GDAP1: variants seen among roughly 807,000 people sequenced by gnomAD.
The protein encoded by GDAP1 is ganglioside induced differentiation associated protein 1.
GDAP1 carries 34 observed loss-of-function variants against 40.1 expected under a neutral mutation model. That is an observed-to-expected ratio of 0.85 (90% CI 0.64 to 1.13). The LOEUF (loss-of-function observed/expected upper bound fraction) is 1.13, where lower values mean the gene tolerates loss of function less well. Among genes scored for constraint, GDAP1 ranks in the 50% most tolerant of loss-of-function variants. GDAP1 has a pLI of 0.00. For synonymous variants in GDAP1, 170 were observed against 157.4 expected (o/e 1.08, Z -0.60); for missense variants, 374 against 433.7 (o/e 0.86, Z 1.22).
chr8:74,480,902 T>C (rs553606437), intron 2 of GDAP1, among the ~76,000 whole-genome samples: 1 of 152,352 alleles, frequency 6.6e-6, no homozygotes, highest in East Asian at 1.9e-4. Context: ...TCATCTTGGA[T>C]CCAGTAGAAC....
rs546601219 is a variant in GDAP1 at position 74,484,084 on chromosome 8, G to A, written c.166-4594G>A. Among the ~76,000 whole-genome samples, 491 of 152,190 alleles carry A rather than the reference G, an allele frequency of 3.2e-3. 5 individuals are homozygous for A. The highest frequency in any genetic ancestry group is 0.011 in the African/African-American group (468 of 41,516). On this transcript the variant is annotated intron_variant, in intron 2 of 2. Transcript: ENST00000523640. Reference sequence around the variant, plus strand: ...TTGTACACAATAATATTGGTTTAATGAATAAATGTTCATTTAAAATACTAA... The same window carrying A: ...TTGTACACAATAATATTGGTTTAATAAATAAATGTTCATTTAAAATACTAA...
intron 2 of GDAP1, among the ~76,000 whole-genome samples, chr8:74,448,430 A>G (rs185196621): frequency 1.3e-4 from 20 of 152,232 alleles, no homozygotes; most frequent in Non-Finnish European, 2.4e-4. Context: ...GGTAGTTTTG[A>G]AAGAAAGCTG....
chr8:74,479,147 C>T (rs1358361215), intron 2 of GDAP1, among the ~76,000 whole-genome samples: 1 of 152,174 alleles, frequency 6.6e-6, no homozygotes, highest in Non-Finnish European at 1.5e-5. Context: ...TTTAGCTGCA[C>T]TTTACAGACC....
rs59331820 is a variant in GDAP1 at position 74,453,940 on chromosome 8, AACACACAC to A, written c.166-34709_166-34702del. Among the ~76,000 whole-genome samples the A allele has an allele frequency of 3.6e-4, 21 of 59,078 alleles. 8 individuals carry two copies. Among genetic ancestry groups the A allele is most frequent in the African/African-American group, 5.6e-4 (7 of 12,612 alleles). 38.8% of individuals were successfully genotyped at this position (59,078 alleles called of 152,430 possible). On this transcript the variant is annotated intron_variant, in intron 2 of 2. Transcript: ENST00000523640. ...CTTTATTATCTACTATTCTGAAGAA[AACACACAC>A]ACACACACACACACACACACACACA...
chr8:74,408,636 A>G (rs1805670694), intron 2 of GDAP1, among the ~76,000 whole-genome samples: 1 of 149,920 alleles, frequency 6.7e-6, no homozygotes, highest in Non-Finnish European at 1.5e-5. Flanking sequence ...ATGAGAAATA[A>G]ATTTCTGTTG....
chr8:74,381,660 G>A (rs1206747958), intron 2 of GDAP1, among the ~76,000 whole-genome samples: 1 of 151,884 alleles, frequency 6.6e-6, no homozygotes, highest in Non-Finnish European at 1.5e-5. Context: ...GGAGGCTGAG[G>A]CAGGAGAATC....
In GDAP1 at chr8:74,432,096, G is replaced by A. The variant is rs545145322; in HGVS notation, c.166-56582G>A. 6.6e-5 allele frequency among the ~76,000 whole-genome samples: 10 copies of A among 152,200 alleles called. No homozygotes were observed. In the South Asian group the frequency reaches 2.1e-3, roughly 32 times the overall value. On this transcript the variant is annotated intron_variant, in intron 2 of 2. Transcript: ENST00000523640. ...TAATATATGAATACTGGAAGATAGA[G>A]GGTCTCTCTCTCCCTCTGAGATCAT... is the stretch of plus-strand genomic sequence containing the variant.
chr8:74,432,429 A>G (rs1053667683), intron 2 of GDAP1, among the ~76,000 whole-genome samples: 1 of 152,084 alleles, frequency 6.6e-6, no homozygotes, highest in South Asian at 2.1e-4. Context: ...AATATTTGTC[A>G]CTTAAACTCT....
At position 74,350,437 on chromosome 8, in the gene GDAP1, C is replaced by A; in HGVS notation, c.-25C>A. ...AGAAGTCCAGGGCGGACAGGCTGGGCGCACCCGTGCTCGCGCACCCCAAGA... is the reference window on the plus strand; with the variant it reads ...AGAAGTCCAGGGCGGACAGGCTGGGAGCACCCGTGCTCGCGCACCCCAAGA... On this transcript the variant is annotated 5_prime_UTR_variant, in exon 1 of 6. Transcript: ENST00000220822. The A allele has an allele frequency of 1.4e-6, 2 of 1,410,928 alleles. No individual in the cohort carries two copies. The highest frequency in any genetic ancestry group is 2.0e-6 in the Non-Finnish European group (2 of 997,922). 87.4% of individuals were successfully genotyped at this position (1,410,928 alleles called of 1,614,324 possible). A position where few individuals can be genotyped will look rare whatever the true frequency, so the allele number is the denominator to read the frequency against.
intron 2 of GDAP1, among the ~76,000 whole-genome samples, chr8:74,431,700 C>G (rs1252444193): frequency 6.6e-6 from 1 of 152,060 alleles, no homozygotes; most frequent in Non-Finnish European, 1.5e-5. Context: ...CCAGGATGGT[C>G]TCGATCTCCT....
At position 74,365,605 on chromosome 8, in the gene GDAP1, G is replaced by A. The variant is rs73347207; in HGVS notation, c.*1238G>A. ...GTAGCAGGCATAGAGATGATGTGCC[G>A]AGGTCCCAGTGAACAACAGTAGCCA... On this transcript the variant is annotated 3_prime_UTR_variant, in exon 6 of 6. Coordinates refer to ENST00000220822, the MANE Select transcript of GDAP1 (RefSeq NM_018972.4). 2.6e-4 allele frequency: 116 copies of A among 454,420 alleles called. No homozygotes were observed. The highest frequency in any genetic ancestry group is 1.9e-3 in the African/African-American group (97 of 50,070). The allele number at this position is 454,420 out of a possible 1,614,324, so 28.1% of individuals were successfully genotyped here.
chr8:74,406,550 A>G (rs373275021), intron 2 of GDAP1, among the ~76,000 whole-genome samples: 1 of 150,284 alleles, frequency 6.7e-6, no homozygotes, highest in East Asian at 1.9e-4. Flanking sequence ...CATTTACAGC[A>G]GCAGTCTTAT....
chr8:74,382,412 A>G (rs1809968930), intron 2 of GDAP1, among the ~76,000 whole-genome samples: 1 of 144,302 alleles, frequency 6.9e-6, no homozygotes, highest in Non-Finnish European at 1.5e-5. Context: ...AGTGGCTAGA[A>G]CTTGGTATGT....
rs191475072 is a variant in GDAP1 at position 74,468,285 on chromosome 8, A to C, written c.166-20393A>C. 1.9e-3 allele frequency among the ~76,000 whole-genome samples: 290 copies of C among 152,144 alleles called. 1 individual carries two copies. The highest frequency in any genetic ancestry group is 6.5e-3 in the African/African-American group (268 of 41,492). On this transcript the variant is annotated intron_variant, in intron 2 of 2. Transcript: ENST00000523640. ...CATATACTTTGGAATCTGCTTATCT[A>C]TAAAAAACTATTAGTATTTTTAATT...
At chr8:74,426,086 A>C (rs1194335739) in intron 2 of GDAP1, among the ~76,000 whole-genome samples, 1 of 152,224 alleles carries the variant, frequency 6.6e-6, no homozygotes, top group Non-Finnish European at 1.5e-5. Flanking sequence ...GCATATAGGC[A>C]TGCATGCATG....
intron 2 of GDAP1, among the ~76,000 whole-genome samples, chr8:74,488,179 T>C (rs1015404759): frequency 1.3e-5 from 2 of 152,214 alleles, no homozygotes; most frequent in African/African-American, 2.4e-5. Flanking sequence ...ATTATTAAAC[T>C]AGCACATTCA....
chr8:74,380,183 AAAG>A (rs5892454), intron 2 of GDAP1, among the ~76,000 whole-genome samples: 28,431 of 152,024 alleles, frequency 0.19, 2,902 homozygotes, highest in Admixed American at 0.31. Flanking sequence ...CTTCTTTTAC[AAAG>A]AAGTTTTAGT....
At chr8:74,359,414 G>T (rs1397662602) in intron 2 of GDAP1, among the ~76,000 whole-genome samples, 2 of 152,204 alleles carry the variant, frequency 1.3e-5, no homozygotes, top group African/African-American at 2.4e-5. Flanking sequence ...CTACAGTTTG[G>T]ATTTTAACTA....
intron 2 of GDAP1, among the ~76,000 whole-genome samples, chr8:74,437,305 G>A (rs746454630): frequency 2.6e-5 from 4 of 152,150 alleles, no homozygotes; most frequent in Non-Finnish European, 5.9e-5. Context: ...AAATTTAAGT[G>A]ACTTGCTTGT....
Sources: gnomAD v4.1 joint callset for allele counts (sites outside exome capture counted in the v4.1 genomes callset) on GRCh38, gnomAD v4.1.1 for gene constraint, MANE v1.5 for transcripts, NCBI Gene and HGNC (gene_info 2026-07-23, HGNC 2026-07-21) for gene names.